TRPC3: variants seen among roughly 807,000 people sequenced by gnomAD.
The protein encoded by TRPC3 is transient receptor potential cation channel subfamily C member 3, also known as short transient receptor potential channel 3.
In TRPC3, 54 loss-of-function variants were observed where a neutral mutation model predicts 90.9. The ratio of observed to expected loss-of-function variants is 0.59; its 90% CI spans 0.48 to 0.75. The LOEUF (loss-of-function observed/expected upper bound fraction) is 0.75, where lower values mean the gene tolerates loss of function less well. TRPC3 is among the 30% of genes least tolerant of loss of function. The pLI is 0.00. For synonymous variants in TRPC3, 424 were observed against 450.9 expected (o/e 0.94, Z 0.75); for missense variants, 918 against 1,194.5 (o/e 0.77, Z 3.41).
rs1050828356 is a variant in TRPC3, at chr4:121,920,248, G to A, written c.1176+4770C>T. Reference sequence around the variant, plus strand: ...CCTTAAAAATGATTTTAGGCTGGACGCAGTGGCTCACACCTATAATCCTAG... The same window carrying A: ...CCTTAAAAATGATTTTAGGCTGGACACAGTGGCTCACACCTATAATCCTAG... On this transcript the variant is annotated intron_variant, in intron 3 of 11. Coordinates refer to ENST00000379645, the MANE Select transcript of TRPC3 (RefSeq NM_001130698.2). 3.9e-5 allele frequency among the ~76,000 whole-genome samples: 6 copies of A among 152,020 alleles called. No homozygotes were observed. The East Asian group carries it at 9.6e-4, about 24-fold the overall frequency.
chr4:121,922,334 T>A (rs548684438), intron 3 of TRPC3, among the ~76,000 whole-genome samples: 24 of 152,320 alleles, frequency 1.6e-4, no homozygotes, highest in African/African-American at 5.5e-4. Flanking sequence ...CTTACATACA[T>A]TTATTATTCT....
chr4:121,889,562 A>G lies in TRPC3; in HGVS notation c.2548-7133T>C, dbSNP rs372244001. Among the ~76,000 whole-genome samples, 14 of 152,318 alleles carry G rather than the reference A, an allele frequency of 9.2e-5. No individual in the cohort carries two copies. In the East Asian group the frequency reaches 2.1e-3, roughly 23 times the overall value. ...CTAGTTAGGATGGCTATTATCAAAC[A>G]GACAAAAAATAACAAATGCTGGTAT... is the stretch of plus-strand genomic sequence containing the variant. On this transcript the variant is annotated intron_variant, in intron 10 of 11. Transcript: ENST00000379645.
chr4:121,906,196 T>C (rs2149121317), intron 7 of TRPC3, among the ~76,000 whole-genome samples: 1 of 152,242 alleles, frequency 6.6e-6, no homozygotes, highest in East Asian at 1.9e-4. Context: ...CACTGAGAAA[T>C]GTTCAGGAAC....
intron 7 of TRPC3, among the ~76,000 whole-genome samples, chr4:121,906,983 A>C (rs867896149): frequency 1.2e-4 from 19 of 152,116 alleles, no homozygotes; most frequent in Admixed American, 1.3e-4. Flanking sequence ...TACTGGCTAC[A>C]AAATGATGAA....
intron 10 of TRPC3, among the ~76,000 whole-genome samples, chr4:121,892,913 G>A (rs1728379469): frequency 6.6e-6 from 1 of 152,028 alleles, no homozygotes; most frequent in African/African-American, 2.4e-5. Context: ...TTGAGGTCAG[G>A]AGTTCAAGAC....
intron 6 of TRPC3, among the ~76,000 whole-genome samples, chr4:121,907,852 C>G (rs776087243): frequency 6.6e-6 from 1 of 152,172 alleles, no homozygotes; most frequent in East Asian, 1.9e-4. Flanking sequence ...TAAAACACTT[C>G]GTTAGACACA....
chr4:121,949,137 A>T (rs938527790), intron 1 of TRPC3, among the ~76,000 whole-genome samples: 3 of 152,212 alleles, frequency 2.0e-5, no homozygotes, highest in South Asian at 4.1e-4. Flanking sequence ...AAACATTTTT[A>T]AAAAATGAGG....
chr4:121,928,364 T>C (rs1560710978), intron 2 of TRPC3, among the ~76,000 whole-genome samples: 1 of 152,198 alleles, frequency 6.6e-6, no homozygotes, highest in Non-Finnish European at 1.5e-5. Flanking sequence ...CTGGAGATAA[T>C]GGTGATTTCT....
In TRPC3 at chr4:121,882,326, G is replaced by A. The variant is rs769980829; in HGVS notation, c.2623+28C>T. On this transcript the variant is annotated intron_variant, in intron 11 of 11. Transcript: ENST00000379645. Reference sequence around the variant, plus strand: ...CAGGTTCATTAAGTTAGCTATAAAAGGATATTTTTTAAGTTGGAGATGCTT... The same window carrying A: ...CAGGTTCATTAAGTTAGCTATAAAAAGATATTTTTTAAGTTGGAGATGCTT... 2.5e-6 allele frequency: 4 copies of A among 1,580,996 alleles called. No individual in the cohort carries two copies. In the African/African-American group the frequency reaches 4.1e-5, roughly 16 times the overall value.
chr4:121,908,217 A>G (rs902454749), intron 6 of TRPC3, among the ~76,000 whole-genome samples: 5 of 152,160 alleles, frequency 3.3e-5, no homozygotes, highest in African/African-American at 1.2e-4. Context: ...TGTCAGGTCA[A>G]TGAAATATTA....
Position 121,932,914 on chromosome 4 carries a change from C to A in TRPC3, c.344G>T (p.Arg115Leu), listed in dbSNP as rs780198602. The A allele has an allele frequency of 6.2e-7, 1 of 1,614,072 alleles. No homozygotes were observed. The highest frequency in any genetic ancestry group is 8.5e-7 in the Non-Finnish European group (1 of 1,179,992). The change falls in exon 2 of 12, where the codon CGC becomes CTC. Residue 115 changes from arginine (R) to leucine (L), a missense_variant. Physicochemically the swap from Arg to Leu is moderately radical, Grantham distance 102. This residue lies in a region of TRPC3 where 609 missense variants were observed against 725.9 expected (regional missense o/e 0.84). Coordinates refer to ENST00000379645, the MANE Select transcript of TRPC3 (RefSeq NM_001130698.2). The surrounding 1 kb of genome is among the most constrained non-coding windows in gnomAD (Gnocchi z 7.7). ...GCCGTACTCGGCGGCGTCGAGGAAG[C>A]GCTCCTCCTCGGCGGTGAGGCTGGT... ...RGTSLTAEEERFLDAAEYGNI... is the reference protein window; with the variant it reads ...RGTSLTAEEELFLDAAEYGNI...
At chr4:121,892,235 A>T (rs1030311311) in intron 10 of TRPC3, among the ~76,000 whole-genome samples, 9 of 152,220 alleles carry the variant, frequency 5.9e-5, no homozygotes, top group African/African-American at 2.2e-4. Context: ...ATAAACACCA[A>T]GACATATAGT....
chr4:121,916,215 T>C (rs1729312102), intron 3 of TRPC3, among the ~76,000 whole-genome samples: 1 of 152,150 alleles, frequency 6.6e-6, no homozygotes, highest in East Asian at 1.9e-4. Flanking sequence ...TTCCACTGAC[T>C]GGTGCATAGT....
At chr4:121,897,737 A>G (rs988880414) in intron 10 of TRPC3, among the ~76,000 whole-genome samples, 1 of 152,156 alleles carries the variant, frequency 6.6e-6, no homozygotes, top group Non-Finnish European at 1.5e-5. Context: ...TATGTAGAAC[A>G]GTATGGAGGA....
At chr4:121,945,070 T>C (rs1730438858) in intron 1 of TRPC3, among the ~76,000 whole-genome samples, 1 of 152,246 alleles carries the variant, frequency 6.6e-6, no homozygotes, top group African/African-American at 2.4e-5. Flanking sequence ...TATTCTATAT[T>C]GTTAAATTTC....
chr4:121,923,330 C>T (rs2149135165), intron 3 of TRPC3, among the ~76,000 whole-genome samples: 1 of 152,268 alleles, frequency 6.6e-6, no homozygotes, highest in East Asian at 1.9e-4. Context: ...GGAAGCACAG[C>T]TTAGATAAGC....
chr4:121,918,075 G>A (rs1729379043), intron 3 of TRPC3, among the ~76,000 whole-genome samples: 1 of 152,160 alleles, frequency 6.6e-6, no homozygotes. Flanking sequence ...TAGGCCATGA[G>A]GGCTGCTCCC....
intron 7 of TRPC3, among the ~76,000 whole-genome samples, chr4:121,904,962 C>A (rs1728829818): frequency 6.6e-6 from 1 of 152,010 alleles, no homozygotes; most frequent in Non-Finnish European, 1.5e-5. Context: ...GCATCATTTG[C>A]AGTAGGGAAG....
chr4:121,911,079 T>A (rs949104220), intron 5 of TRPC3, among the ~76,000 whole-genome samples: 2 of 152,190 alleles, frequency 1.3e-5, no homozygotes, highest in Non-Finnish European at 2.9e-5. Flanking sequence ...GGGAAAATAC[T>A]GTAGAATTTT....
Sources: gnomAD v4.1 joint callset for allele counts (sites outside exome capture counted in the v4.1 genomes callset) on GRCh38, gnomAD v4.1.1 for gene constraint, gnomAD v4.1.1 regional missense constraint, Gnocchi (gnomAD v3.1) non-coding constraint, MANE v1.5 for transcripts, NCBI Gene and HGNC (gene_info 2026-07-23, HGNC 2026-07-21) for gene names.